Variants in PDZD2 observed in about 807,000 individuals in gnomAD.
The protein encoded by PDZD2 is PDZ domain containing 2, also known as PDZ domain-containing protein 2.
A neutral mutation model predicts 220.7 loss-of-function variants in PDZD2; 90 were observed. That is an observed-to-expected ratio of 0.41 (90% CI 0.34 to 0.49). PDZD2 has a LOEUF of 0.49. PDZD2 is among the 20% of genes least tolerant of loss of function. PDZD2 has a pLI of 0.28. For synonymous variants in PDZD2, 1,375 were observed against 1,450.5 expected, an observed-to-expected ratio of 0.95 and a Z score of 1.18; for missense variants, 3,174 against 3,608.5, an observed-to-expected ratio of 0.88 and a Z score of 3.08.
chr5:31,721,587 G>A (rs1274406345), intron 1 of PDZD2, among the ~76,000 whole-genome samples: 2 of 147,506 alleles, frequency 1.4e-5, no homozygotes, highest in East Asian at 2.0e-4. Context: ...AAAGTGAAAC[G>A]TACAAGTCGC....
At chr5:31,922,011 G>A (rs915709611) in intron 2 of PDZD2, among the ~76,000 whole-genome samples, 1 of 152,056 alleles carries the variant, frequency 6.6e-6, no homozygotes, top group Admixed American at 6.6e-5. Flanking sequence ...TTTTCAAACT[G>A]TTTTAGATAG....
intron 6 of PDZD2, among the ~76,000 whole-genome samples, chr5:32,020,402 C>T (rs988694909): frequency 4.6e-5 from 7 of 152,172 alleles, no homozygotes; most frequent in African/African-American, 1.4e-4. Context: ...TGGCAATAAC[C>T]ACACGAAGTG....
At chr5:31,865,256 T>C (rs1738106132) in intron 2 of PDZD2, among the ~76,000 whole-genome samples, 1 of 152,154 alleles carries the variant, frequency 6.6e-6, no homozygotes, top group South Asian at 2.1e-4. Context: ...CTTACACTGT[T>C]TAACATAGAG....
chr5:31,684,791 C>G (rs906474698), intron 1 of PDZD2, among the ~76,000 whole-genome samples: 2 of 152,138 alleles, frequency 1.3e-5, no homozygotes, highest in African/African-American at 4.8e-5. Flanking sequence ...GCTCTTGCCT[C>G]TTCCTTTGCC....
chr5:32,038,033 A>G (rs1476315979), intron 7 of PDZD2, among the ~76,000 whole-genome samples: 4 of 148,364 alleles, frequency 2.7e-5, no homozygotes, highest in African/African-American at 9.9e-5. Flanking sequence ...TAGTGGAGAC[A>G]AGGTTTCACC....
intron 2 of PDZD2, among the ~76,000 whole-genome samples, chr5:31,889,922 T>C (rs1740855087): frequency 6.6e-6 from 1 of 151,928 alleles, no homozygotes; most frequent in South Asian, 2.1e-4. Flanking sequence ...CTCGGGAGAT[T>C]GAGGCAGGAG....
intron 2 of PDZD2, among the ~76,000 whole-genome samples, chr5:31,921,845 ACTTT>A (rs959006472): frequency 8.5e-5 from 13 of 152,272 alleles, no homozygotes; most frequent in African/African-American, 3.1e-4. Flanking sequence ...GGAGGATTAC[ACTTT>A]CTTAGTTAAA....
chr5:31,702,867 A>T (rs1274674098), intron 1 of PDZD2, among the ~76,000 whole-genome samples: 1 of 152,206 alleles, frequency 6.6e-6, no homozygotes, highest in East Asian at 1.9e-4. Flanking sequence ...ATAGAATTGC[A>T]AGTTTTATGC....
At chr5:31,935,813 T>A (rs6450882) in intron 2 of PDZD2, among the ~76,000 whole-genome samples, 144,516 of 152,244 alleles carry the variant, frequency 0.95, 68,670 homozygotes, top group African/African-American at 0.99. Flanking sequence ...TCTTCAGTCC[T>A]CCTCCCTGGC....
At chr5:31,743,673 T>C (rs1274960463) in intron 1 of PDZD2, among the ~76,000 whole-genome samples, 1 of 152,190 alleles carries the variant, frequency 6.6e-6, no homozygotes, top group East Asian at 1.9e-4. Flanking sequence ...GACAAATCTT[T>C]CACCTGTTCC....
chr5:32,051,059 T>G (rs1200567900), intron 8 of PDZD2, among the ~76,000 whole-genome samples: 2 of 152,166 alleles, frequency 1.3e-5, no homozygotes, highest in Non-Finnish European at 2.9e-5. Context: ...TCTAGAAAGT[T>G]CAAGGAGATC....
At chr5:31,700,144 G>C (rs1450905269) in intron 1 of PDZD2, among the ~76,000 whole-genome samples, 1 of 152,138 alleles carries the variant, frequency 6.6e-6, no homozygotes, top group East Asian at 1.9e-4. Flanking sequence ...TGGATTGGGG[G>C]ACACGAGATG....
chr5:31,749,548 C>T (rs34177259), intron 1 of PDZD2, among the ~76,000 whole-genome samples: 32,096 of 151,622 alleles, frequency 0.21, 3,674 homozygotes, highest in African/African-American at 0.3. Context: ...CTCAGCTTCC[C>T]GAGTAGCTGG....
At chr5:31,963,486 G>C (rs1748436704) in intron 2 of PDZD2, among the ~76,000 whole-genome samples, 1 of 152,170 alleles carries the variant, frequency 6.6e-6, no homozygotes, top group Non-Finnish European at 1.5e-5. Context: ...ACGTACATCT[G>C]ATTTATTCGT....
At chr5:32,038,486 C>T (rs1252983360) in intron 7 of PDZD2, among the ~76,000 whole-genome samples, 2 of 151,904 alleles carry the variant, frequency 1.3e-5, no homozygotes, top group Non-Finnish European at 2.9e-5. Flanking sequence ...GCAGTGAGGC[C>T]AGATCACACC....
Position 32,088,563 on chromosome 5 carries a change from C to T in PDZD2, c.5115C>T (p.Ala1705=), listed in dbSNP as rs1440153630. Residue 1705 remains alanine (A), a synonymous_variant, in exon 20 of 25, where the codon GCC becomes GCT. Coordinates refer to ENST00000438447, the MANE Select transcript of PDZD2 (RefSeq NM_178140.4). This position sits in a 1 kb window ranked among gnomAD's most constrained non-coding sequence, Gnocchi z 4.6. ...ETTEVTSASS[A]MENSPLSKVA... is the part of the protein sequence containing the mutation. ...CAGAAGTCACCAGCGCTAGCTCAGC[C>T]ATGGAAAACAGTCCGCTGTCTAAAG... is the stretch of plus-strand genomic sequence containing the variant. The T allele has an allele frequency of 1.2e-6, 2 of 1,613,972 alleles. No individual in the cohort carries two copies. Among genetic ancestry groups the T allele is most frequent in the Non-Finnish European group, 1.7e-6 (2 of 1,179,958 alleles).
chr5:31,892,620 T>C (rs929086255), intron 2 of PDZD2, among the ~76,000 whole-genome samples: 4 of 150,562 alleles, frequency 2.7e-5, no homozygotes, highest in African/African-American at 9.8e-5. Flanking sequence ...CAGGCTGGAG[T>C]GCAGTGGCGA....
chr5:31,822,360 T>G (rs542283140), intron 2 of PDZD2, among the ~76,000 whole-genome samples: 1 of 150,896 alleles, frequency 6.6e-6, no homozygotes, highest in East Asian at 1.9e-4. Flanking sequence ...CACTGCAACG[T>G]CTTGTGCTCA....
At chr5:31,785,536 G>T (rs1013885383) in intron 1 of PDZD2, among the ~76,000 whole-genome samples, 1 of 151,738 alleles carries the variant, frequency 6.6e-6, no homozygotes, top group Admixed American at 6.6e-5. Flanking sequence ...AAACTACTGG[G>T]CTCAAGAGAT....
Sources: gnomAD v4.1 joint callset for allele counts (sites outside exome capture counted in the v4.1 genomes callset) on GRCh38, gnomAD v4.1.1 for gene constraint, Gnocchi (gnomAD v3.1) non-coding constraint, MANE v1.5 for transcripts, NCBI Gene and HGNC (gene_info 2026-07-23, HGNC 2026-07-21) for gene names.